SPAG16: variants seen among roughly 807,000 people sequenced by gnomAD.
SPAG16 encodes the protein sperm associated antigen 16.
SPAG16 carries 86 observed loss-of-function variants against 80.4 expected under a neutral mutation model. That is an observed-to-expected ratio of 1.07 (90% CI 0.90 to 1.28). The LOEUF is 1.28. SPAG16 is among the 50% of genes most tolerant of loss of function. SPAG16 has a pLI of 0.00. For missense variants in SPAG16, 870 were observed against 765.3 expected (o/e 1.14, Z -1.61); for synonymous variants, 294 against 265.9 (o/e 1.11, Z -1.03).
At chr2:213,873,640 C>T (rs1453246741) in intron 11 of SPAG16, among the ~76,000 whole-genome samples, 3 of 151,874 alleles carry the variant, frequency 2.0e-5, no homozygotes, top group African/African-American at 7.3e-5. Context: ...AATTTTCTTT[C>T]AAGCAATGCT....
chr2:213,538,845 T>C (rs2076337573), intron 10 of SPAG16, among the ~76,000 whole-genome samples: 1 of 152,158 alleles, frequency 6.6e-6, no homozygotes, highest in Non-Finnish European at 1.5e-5. Context: ...CTATCTATTA[T>C]CTATCTATCA....
intron 14 of SPAG16, among the ~76,000 whole-genome samples, chr2:214,135,726 T>TCTCTCC (rs2055015683): frequency 7.1e-6 from 1 of 141,132 alleles, no homozygotes; most frequent in East Asian, 2.1e-4. Context: ...TCTCTCTGTC[T>TCTCTCC]CTCTCTCTCT....
At chr2:214,317,874 C>T (rs921063491) in intron 15 of SPAG16, among the ~76,000 whole-genome samples, 2 of 152,236 alleles carry the variant, frequency 1.3e-5, no homozygotes, top group Admixed American at 1.3e-4. Context: ...CTAAACCGAT[C>T]GTGGTCTAGA....
At chr2:213,443,271 A>G (rs907012537) in intron 9 of SPAG16, among the ~76,000 whole-genome samples, 9 of 152,090 alleles carry the variant, frequency 5.9e-5, no homozygotes, top group African/African-American at 2.2e-4. Flanking sequence ...AATTCATCCT[A>G]TATGTTTGAG....
intron 12 of SPAG16, among the ~76,000 whole-genome samples, chr2:213,976,302 A>G (rs1575702905): frequency 2.0e-5 from 3 of 151,024 alleles, no homozygotes; most frequent in East Asian, 2.0e-4. Flanking sequence ...ATATGCATAC[A>G]CATGTGTGCG....
At chr2:213,916,331 T>C (rs773536421) in intron 11 of SPAG16, among the ~76,000 whole-genome samples, 1 of 152,232 alleles carries the variant, frequency 6.6e-6, no homozygotes, top group African/African-American at 2.4e-5. Flanking sequence ...TCTCTGCATA[T>C]GGCTAGCCAG....
At chr2:213,606,152 T>C (rs2061252971) in intron 10 of SPAG16, among the ~76,000 whole-genome samples, 1 of 152,220 alleles carries the variant, frequency 6.6e-6, no homozygotes, top group Non-Finnish European at 1.5e-5. Flanking sequence ...GATTTATTCC[T>C]TTTTGGTGTT....
At chr2:213,368,428 G>A (rs1037150129) in intron 8 of SPAG16, among the ~76,000 whole-genome samples, 2 of 152,122 alleles carry the variant, frequency 1.3e-5, no homozygotes, top group African/African-American at 4.8e-5. Flanking sequence ...AATAATAAGA[G>A]CTATTTATGA....
At chr2:213,402,423 T>C (rs1177211253) in intron 9 of SPAG16, among the ~76,000 whole-genome samples, 1 of 152,126 alleles carries the variant, frequency 6.6e-6, no homozygotes, top group African/African-American at 2.4e-5. Flanking sequence ...TATAGTTTTT[T>C]TTAAATTTTA....
chr2:213,367,293 G>T (rs1310789185), intron 8 of SPAG16, among the ~76,000 whole-genome samples: 2 of 151,468 alleles, frequency 1.3e-5, no homozygotes, highest in South Asian at 2.1e-4. Context: ...TAATCCTTTG[G>T]GTATATACCC....
At chr2:214,397,438 G>A (rs1196717500) in intron 15 of SPAG16, among the ~76,000 whole-genome samples, 1 of 152,094 alleles carries the variant, frequency 6.6e-6, no homozygotes, top group Non-Finnish European at 1.5e-5. Context: ...GATTACAGGC[G>A]TGAGCCCCCG....
Position 213,852,656 on chromosome 2 carries a change from G to A in SPAG16, c.1071-9829G>A, listed in dbSNP as rs530547827. 2.6e-5 allele frequency among the ~76,000 whole-genome samples: 4 copies of A among 152,186 alleles called. No homozygotes were observed. The South Asian group carries it at 8.3e-4, about 32-fold the overall frequency. ...CTTGTCATTCTGGTCTCAGCTAGGA[G>A]GTCATGTTTTCAATGTGGGCTCCCC... On this transcript the variant is annotated intron_variant, in intron 10 of 15. Coordinates refer to ENST00000331683, the MANE Select transcript of SPAG16 (RefSeq NM_024532.5).
chr2:214,215,372 T>C (rs1912205), intron 15 of SPAG16, among the ~76,000 whole-genome samples: 52,918 of 151,812 alleles, frequency 0.35, 9,391 homozygotes, highest in East Asian at 0.52. Flanking sequence ...TCACGGAAGA[T>C]ATTCTCCAAC....
At chr2:213,315,995 CTG>C (rs1240178324) in intron 4 of SPAG16, among the ~76,000 whole-genome samples, 1 of 151,984 alleles carries the variant, frequency 6.6e-6, no homozygotes, top group Non-Finnish European at 1.5e-5. Context: ...CACTGCCTAG[CTG>C]GTCTTTTTCA....
At chr2:214,072,228 A>G (rs1383167337) in intron 13 of SPAG16, among the ~76,000 whole-genome samples, 1 of 152,120 alleles carries the variant, frequency 6.6e-6, no homozygotes, top group Non-Finnish European at 1.5e-5. Context: ...TTTGACAGAT[A>G]CATTATAACA....
At chr2:213,754,753 GC>G (rs2068242727) in intron 10 of SPAG16, among the ~76,000 whole-genome samples, 1 of 152,096 alleles carries the variant, frequency 6.6e-6, no homozygotes, top group African/African-American at 2.4e-5. Flanking sequence ...ATGCAAGAAA[GC>G]CTGTTAGTTG....
intron 10 of SPAG16, among the ~76,000 whole-genome samples, chr2:213,702,725 G>A (rs986375566): frequency 3.9e-5 from 6 of 152,090 alleles, no homozygotes; most frequent in African/African-American, 1.4e-4. Context: ...AATTACAAGG[G>A]AGTGTAATTT....
At chr2:213,424,244 C>T in intron 9 of SPAG16, among the ~76,000 whole-genome samples, 1 of 152,168 alleles carries the variant, frequency 6.6e-6, no homozygotes, top group East Asian at 1.9e-4. Flanking sequence ...CAAAGACACT[C>T]AGTTCCTTCA....
chr2:214,377,220 C>A (rs1220722495), intron 15 of SPAG16, among the ~76,000 whole-genome samples: 2 of 152,134 alleles, frequency 1.3e-5, no homozygotes, highest in Non-Finnish European at 2.9e-5. Flanking sequence ...GTGATGTCTC[C>A]CGGTTCCAGT....
Sources: allele counts gnomAD v4.1 joint callset (sites outside exome capture counted in the v4.1 genomes callset), GRCh38; gene constraint gnomAD v4.1.1; transcripts MANE v1.5; gene names NCBI Gene and HGNC (gene_info 2026-07-23, HGNC 2026-07-21).